CTNNA3: variants seen among roughly 807,000 people sequenced by gnomAD.
The protein encoded by CTNNA3 is catenin alpha 3.
CTNNA3 carries 76 observed loss-of-function variants against 95.7 expected under a neutral mutation model. That is an observed-to-expected ratio of 0.79 (90% CI 0.66 to 0.96). CTNNA3 has a LOEUF of 0.96. Among genes scored for constraint, CTNNA3 ranks in the 40% least tolerant of loss-of-function variants. The pLI is 0.00. For missense variants in CTNNA3, 1,191 were observed against 1,089.8 expected (o/e 1.09, Z -1.31); for synonymous variants, 431 against 374.4 (o/e 1.15, Z -1.74).
intron 1 of CTNNA3, among the ~76,000 whole-genome samples, chr10:67,720,006 C>T (rs371119342): frequency 2.6e-5 from 4 of 151,556 alleles, no homozygotes; most frequent in Non-Finnish European, 2.9e-5. Flanking sequence ...CATATACATT[C>T]GGAATAGTTA....
At chr10:67,692,914 T>C (rs1840896942) in intron 1 of CTNNA3, among the ~76,000 whole-genome samples, 1 of 152,152 alleles carries the variant, frequency 6.6e-6, no homozygotes, top group Non-Finnish European at 1.5e-5. Context: ...TTCCAGTATT[T>C]GAGAGACTTT....
intron 10 of CTNNA3, among the ~76,000 whole-genome samples, chr10:66,586,667 A>G (rs1265393375): frequency 6.6e-6 from 1 of 152,094 alleles, no homozygotes; most frequent in East Asian, 1.9e-4. Flanking sequence ...GAGAAGCCCC[A>G]GCTCTCTGCA....
chr10:67,751,174 C>A, intron 1 of CTNNA3: 2 of 1,269,442 alleles, frequency 1.6e-6, no homozygotes, highest in Non-Finnish European at 1.2e-6. Context: ...AACTGGAGGG[C>A]CCGTAACATG....
intron 1 of CTNNA3, chr10:67,648,752 T>A: frequency 7.8e-7 from 1 of 1,289,794 alleles, no homozygotes; most frequent in South Asian, 1.2e-5. Flanking sequence ...TGTTTCTCTC[T>A]CCTTTGCGTT....
In CTNNA3 at chr10:65,924,169, T is replaced by A. The variant is rs1473677472; in HGVS notation, c.2401-3552A>T. ...ATATTACAGCCCTAATTAAACAGAT[T>A]CAGAAAAATTAGTATATTCTTTCCC... On this transcript the variant is annotated intron_variant, in intron 17 of 17. Coordinates refer to ENST00000433211, the MANE Select transcript of CTNNA3 (RefSeq NM_013266.4). Among the ~76,000 whole-genome samples the A allele has an allele frequency of 2.6e-5, 4 of 152,124 alleles. No homozygotes were observed. The East Asian group carries it at 7.7e-4, about 29-fold the overall frequency.
At chr10:67,560,645 T>A (rs1051708611) in intron 3 of CTNNA3, among the ~76,000 whole-genome samples, 1 of 152,060 alleles carries the variant, frequency 6.6e-6, no homozygotes. Context: ...CAATATTAAC[T>A]TTAAATGTAA....
chr10:65,946,283 T>C (rs758439843), intron 17 of CTNNA3, among the ~76,000 whole-genome samples: 18 of 152,188 alleles, frequency 1.2e-4, no homozygotes, highest in Non-Finnish European at 2.6e-4. Context: ...ATATTACATA[T>C]ATAGTTTACA....
At chr10:67,308,422 A>G (rs1005782211) in intron 5 of CTNNA3, among the ~76,000 whole-genome samples, 20 of 152,334 alleles carry the variant, frequency 1.3e-4, no homozygotes, top group African/African-American at 4.3e-4. Flanking sequence ...ACCATGTAAG[A>G]CATGACTTTG....
At chr10:67,212,476 A>T (rs74142429) in intron 6 of CTNNA3, among the ~76,000 whole-genome samples, 6,565 of 151,984 alleles carry the variant, frequency 0.043, 180 homozygotes, top group South Asian at 0.088. Context: ...TTTTGGTATC[A>T]TTCATATTGA....
At chr10:66,654,200 C>A (rs1032389528) in intron 9 of CTNNA3, among the ~76,000 whole-genome samples, 1 of 151,778 alleles carries the variant, frequency 6.6e-6, no homozygotes, top group African/African-American at 2.4e-5. Flanking sequence ...TATTGTAAAC[C>A]ATATATCTGA....
At chr10:66,435,142 A>G (rs915128780) in intron 11 of CTNNA3, among the ~76,000 whole-genome samples, 10 of 152,286 alleles carry the variant, frequency 6.6e-5, no homozygotes, top group Admixed American at 5.2e-4. Flanking sequence ...TTTTGGTATC[A>G]GGATGATGCT....
At chr10:66,947,925 T>C (rs1311895821) in intron 7 of CTNNA3, among the ~76,000 whole-genome samples, 1 of 152,182 alleles carries the variant, frequency 6.6e-6, no homozygotes, top group African/African-American at 2.4e-5. Context: ...TAAACCTAGA[T>C]GACAGTCTAC....
At chr10:66,812,651 TA>T (rs1841927589) in intron 7 of CTNNA3, among the ~76,000 whole-genome samples, 1 of 152,136 alleles carries the variant, frequency 6.6e-6, no homozygotes. Flanking sequence ...GTGCTTAGAA[TA>T]TTTTTGGGAA....
At chr10:66,189,165 T>A (rs1345007574) in intron 13 of CTNNA3, among the ~76,000 whole-genome samples, 1 of 152,058 alleles carries the variant, frequency 6.6e-6, no homozygotes, top group African/African-American at 2.4e-5. Flanking sequence ...TTTCTCCTAA[T>A]CCGTATGCTG....
At chr10:66,033,214 T>C (rs2079485821) in intron 15 of CTNNA3, among the ~76,000 whole-genome samples, 1 of 145,086 alleles carries the variant, frequency 6.9e-6, no homozygotes, top group Admixed American at 7.2e-5. Flanking sequence ...CACTGCAACC[T>C]CCACATGCTG....
intron 7 of CTNNA3, among the ~76,000 whole-genome samples, chr10:67,175,825 T>C (rs1862214924): frequency 6.6e-6 from 1 of 152,218 alleles, no homozygotes; most frequent in Admixed American, 6.5e-5. Context: ...TCAAACATGA[T>C]GGCTGCCTAC....
chr10:66,009,342 GAGGGTTATAAATCC>G (rs1564575054), intron 15 of CTNNA3, among the ~76,000 whole-genome samples: 1 of 152,082 alleles, frequency 6.6e-6, no homozygotes, highest in Non-Finnish European at 1.5e-5. Flanking sequence ...CGCACTTAAG[GAGGGTTATAAATCC>G]AGGTATCTTT....
At chr10:66,907,201 A>C (rs906871869) in intron 7 of CTNNA3, among the ~76,000 whole-genome samples, 1 of 152,018 alleles carries the variant, frequency 6.6e-6, no homozygotes, top group African/African-American at 2.4e-5. Flanking sequence ...AACTGTGCAC[A>C]TTTCTTAAGC....
chr10:66,480,425 A>G (rs1839479158), intron 11 of CTNNA3, among the ~76,000 whole-genome samples: 1 of 152,080 alleles, frequency 6.6e-6, no homozygotes, highest in South Asian at 2.1e-4. Flanking sequence ...TATTTCTTTC[A>G]GTACTTTTCA....
Sources: gnomAD v4.1 joint callset for allele counts (sites outside exome capture counted in the v4.1 genomes callset) on GRCh38, gnomAD v4.1.1 for gene constraint, MANE v1.5 for transcripts, NCBI Gene and HGNC (gene_info 2026-07-23, HGNC 2026-07-21) for gene names.